Variants in PITPNC1 observed in about 807,000 individuals in gnomAD.
PITPNC1 encodes phosphatidylinositol transfer protein cytoplasmic 1, also known as cytoplasmic phosphatidylinositol transfer protein 1.
In PITPNC1, 18 loss-of-function variants were observed where a neutral mutation model predicts 44.7. The ratio of observed to expected loss-of-function variants is 0.40; its 90% CI spans 0.28 to 0.60. The LOEUF is 0.60. Among genes scored for constraint, PITPNC1 ranks in the 20% least tolerant of loss-of-function variants. The pLI is 0.39. For missense variants in PITPNC1, 290 were observed against 418.4 expected, an observed-to-expected ratio of 0.69 and a Z score of 2.68; for synonymous variants, 141 against 149.6, an observed-to-expected ratio of 0.94 and a Z score of 0.42.
At position 67,663,580 on chromosome 17, in the gene PITPNC1, CA is replaced by C. The variant is rs112237311; in HGVS notation, c.463-5916del. On this transcript the variant is annotated intron_variant, in intron 6 of 8. Coordinates refer to ENST00000581322, the MANE Select transcript of PITPNC1 (RefSeq NM_012417.4). ...GAGACTCCATCTCAAAAAAAAAGGA[CA>C]AAAAAAAAAAAGTTGAAGCAGTAGC... Among the ~76,000 whole-genome samples the C allele has an allele frequency of 3.3e-3, 463 of 141,958 alleles. 2 individuals carry two copies. The highest frequency in any genetic ancestry group is 7.1e-3 in the Middle Eastern group (2 of 280). 93.1% of individuals were successfully genotyped at this position (141,958 alleles called of 152,430 possible).
At chr17:67,433,998 G>A (rs2038896765) in intron 1 of PITPNC1, among the ~76,000 whole-genome samples, 1 of 152,160 alleles carries the variant, frequency 6.6e-6, no homozygotes, top group Admixed American at 6.5e-5. Flanking sequence ...GGGGCAAGGG[G>A]CCGAGACCAC....
intron 1 of PITPNC1, among the ~76,000 whole-genome samples, chr17:67,428,341 C>G (rs1003605673): frequency 1.3e-5 from 2 of 151,808 alleles, no homozygotes; most frequent in African/African-American, 4.8e-5. Flanking sequence ...GAGTTCGAGA[C>G]CAACTTGGGC....
chr17:67,491,567 G>T (rs139446816), intron 1 of PITPNC1, among the ~76,000 whole-genome samples: 3 of 152,192 alleles, frequency 2.0e-5, no homozygotes, highest in African/African-American at 2.4e-5. Context: ...TCACCACTTT[G>T]GTTAGTGGTG....
At chr17:67,505,637 T>A (rs1335230599) in intron 1 of PITPNC1, among the ~76,000 whole-genome samples, 1 of 152,158 alleles carries the variant, frequency 6.6e-6, no homozygotes, top group African/African-American at 2.4e-5. Context: ...ATAGACAGCA[T>A]ATAGTTGGGT....
intron 5 of PITPNC1, among the ~76,000 whole-genome samples, chr17:67,585,785 A>G (rs1290465539): frequency 6.6e-6 from 1 of 152,190 alleles, no homozygotes; most frequent in Admixed American, 6.5e-5. Context: ...AGCCTGGGTG[A>G]TAGAGAGAGA....
At chr17:67,412,610 A>C (rs1353532702) in intron 1 of PITPNC1, among the ~76,000 whole-genome samples, 1 of 151,984 alleles carries the variant, frequency 6.6e-6, no homozygotes, top group Non-Finnish European at 1.5e-5. Context: ...CTTGTTGTCC[A>C]TGCTGGAGTG....
chr17:67,639,297 T>G (rs1401892428), intron 6 of PITPNC1, among the ~76,000 whole-genome samples: 1 of 152,186 alleles, frequency 6.6e-6, no homozygotes, highest in Admixed American at 6.5e-5. Flanking sequence ...TAGCATTTAC[T>G]AAGCACCTAC....
At chr17:67,472,767 C>G (rs951818021) in intron 1 of PITPNC1, among the ~76,000 whole-genome samples, 6 of 152,146 alleles carry the variant, frequency 3.9e-5, no homozygotes, top group African/African-American at 1.4e-4. Context: ...AGCTTACCGT[C>G]TATTCATTAG....
intron 1 of PITPNC1, among the ~76,000 whole-genome samples, chr17:67,407,176 C>CT (rs1216767885): frequency 1.3e-5 from 2 of 152,160 alleles, no homozygotes; most frequent in Non-Finnish European, 2.9e-5. Flanking sequence ...CAGCACTGTA[C>CT]TTTCTGTCTT....
chr17:67,549,829 G>A (rs1414225961), intron 2 of PITPNC1, among the ~76,000 whole-genome samples: 1 of 152,154 alleles, frequency 6.6e-6, no homozygotes, highest in Admixed American at 6.5e-5. Flanking sequence ...CTTTGTCTAA[G>A]CTAAACAATG....
intron 8 of PITPNC1, among the ~76,000 whole-genome samples, chr17:67,685,249 T>C (rs1456970115): frequency 6.6e-6 from 1 of 152,276 alleles, no homozygotes; most frequent in Non-Finnish European, 1.5e-5. Context: ...AAGAAGAGCA[T>C]GCTCCTTGCT....
intron 4 of PITPNC1, among the ~76,000 whole-genome samples, chr17:67,574,150 C>T (rs1234970131): frequency 6.6e-6 from 1 of 152,170 alleles, no homozygotes; most frequent in Non-Finnish European, 1.5e-5. Context: ...CTTCTGAACA[C>T]TCCTACAGAG....
rs560946021 is a variant in PITPNC1, at chr17:67,395,510, C to G, written c.48+17308C>G. On this transcript the variant is annotated intron_variant, in intron 1 of 8. Transcript: ENST00000581322. The stretch of plus-strand genomic sequence containing the variant: ...AGAAGTCTGTGCTTGAGCTGAGGAG[C>G]ATGTCTTCTGAAATGTGTAAATTTC... Among the ~76,000 whole-genome samples, 94 of 152,226 alleles carry G rather than the reference C, an allele frequency of 6.2e-4. 1 individual carries two copies. The highest frequency in any genetic ancestry group is 2.2e-3 in the African/African-American group (93 of 41,528).
At chr17:67,400,715 T>C (rs992100193) in intron 1 of PITPNC1, among the ~76,000 whole-genome samples, 33 of 151,786 alleles carry the variant, frequency 2.2e-4, no homozygotes, top group Non-Finnish European at 3.7e-4. Flanking sequence ...ATTCTTCTTA[T>C]AGCTGATGTA....
chr17:67,457,605 G>A (rs1157660614), intron 1 of PITPNC1: 1 of 152,268 alleles, frequency 6.6e-6, no homozygotes, highest in Admixed American at 6.5e-5. Context: ...AGCCAGGATG[G>A]TCTTGATCTC....
rs763372147 is a variant in PITPNC1 at position 67,692,936 on chromosome 17, TG to T, written c.*49del. ...GTTTTATATTTTCATTTGTTGTTGT[TG>T]TTTTTTTTTAAGAATCTTCTGATAG... On this transcript the variant is annotated 3_prime_UTR_variant, in exon 9 of 9. Transcript: ENST00000581322. 52 of 1,091,150 alleles carry T rather than the reference TG, an allele frequency of 4.8e-5. No homozygotes were observed. The highest frequency in any genetic ancestry group is 6.6e-5 in the Non-Finnish European group (50 of 752,306). The allele number at this position is 1,091,150 out of a possible 1,614,324, so 67.6% of individuals were successfully genotyped here.
intron 1 of PITPNC1, among the ~76,000 whole-genome samples, chr17:67,512,188 A>T (rs1170826913): frequency 6.6e-6 from 1 of 152,204 alleles, no homozygotes; most frequent in Non-Finnish European, 1.5e-5. Flanking sequence ...TCTAGGTCCC[A>T]GTTTCTTCAA....
intron 1 of PITPNC1, chr17:67,379,123 G>A (rs1350745225): frequency 1.0e-6 from 1 of 985,896 alleles, no homozygotes; most frequent in Non-Finnish European, 1.2e-6. Flanking sequence ...CGACTGCTGA[G>A]CGTCTCTGTC....
intron 6 of PITPNC1, among the ~76,000 whole-genome samples, chr17:67,652,945 T>C (rs1409364957): frequency 6.6e-6 from 1 of 152,210 alleles, no homozygotes; most frequent in African/African-American, 2.4e-5. Context: ...AGTGAGATCA[T>C]TAGGGGGACC....
Sources: allele counts gnomAD v4.1 joint callset (sites outside exome capture counted in the v4.1 genomes callset), GRCh38; gene constraint gnomAD v4.1.1; transcripts MANE v1.5; gene names NCBI Gene and HGNC (gene_info 2026-07-23, HGNC 2026-07-21).